ZRANB1: variants seen among roughly 807,000 people sequenced by gnomAD.
ZRANB1 encodes zinc finger RANBP2-type containing 1.
Under a neutral mutation model 80.5 loss-of-function variants are expected in ZRANB1, and 16 were observed. The ratio of observed to expected loss-of-function variants is 0.20; its 90% confidence interval spans 0.13 to 0.30. The LOEUF is 0.30. Ranked by LOEUF, ZRANB1 falls within the 10% of genes least tolerant of loss-of-function variation. The pLI is 1.00. For missense variants in ZRANB1, 576 were observed against 862.6 expected, an observed-to-expected ratio of 0.67 and a Z score of 4.16; for synonymous variants, 291 against 293.1, an observed-to-expected ratio of 0.99 and a Z score of 0.07.
chr10:124,920,224 C>T, the ZRANB1 span, among the ~76,000 whole-genome samples: 1 of 152,162 alleles, frequency 6.6e-6, no homozygotes, highest in Non-Finnish European at 1.5e-5. Flanking sequence ...CGCACTCGGC[C>T]GGATTTGGTT....
chr10:124,955,015 G>C (rs1951677485), intron 1 of ZRANB1, among the ~76,000 whole-genome samples: 1 of 150,910 alleles, frequency 6.6e-6, no homozygotes, highest in African/African-American at 2.4e-5. Flanking sequence ...CGTAGTCCCA[G>C]CTACTCTGGA....
chr10:124,983,383 G>A lies in ZRANB1; in HGVS notation c.1679-76G>A. 1 of 1,594,884 alleles carries A rather than the reference G, an allele frequency of 6.3e-7. No homozygotes were observed. Among genetic ancestry groups the A allele is most frequent in the South Asian group, 1.1e-5 (1 of 88,396 alleles). ...ATGTCAGGAAGGAGCAGTGGACAGG[G>A]GAATGTGAACAAGGGCAGTGAGGGA... On this transcript the variant is annotated intron_variant, in intron 7 of 8. Coordinates refer to ENST00000359653, the MANE Select transcript of ZRANB1 (RefSeq NM_017580.3). The surrounding 1 kb of genome is among the most constrained non-coding windows in gnomAD (Gnocchi z 6.2).
chr10:124,957,702 G>A (rs10901846), intron 1 of ZRANB1, among the ~76,000 whole-genome samples: 50,599 of 151,570 alleles, frequency 0.33, 9,808 homozygotes, highest in African/African-American at 0.54. Flanking sequence ...AGGTTCATCT[G>A]TGTTGTGATC....
intron 5 of ZRANB1, among the ~76,000 whole-genome samples, chr10:124,976,375 G>A (rs1951876259): frequency 6.6e-6 from 1 of 152,088 alleles, no homozygotes; most frequent in African/African-American, 2.4e-5. Flanking sequence ...TATGTCAAGA[G>A]GATGAACCTG....
At chr10:124,930,828 C>T in the ZRANB1 span, among the ~76,000 whole-genome samples, 1 of 151,944 alleles carries the variant, frequency 6.6e-6, no homozygotes, top group African/African-American at 2.4e-5. Flanking sequence ...GCCTGGAGTT[C>T]GAGATTAGCC....
chr10:124,923,941 C>CAA, the ZRANB1 span, among the ~76,000 whole-genome samples: 7 of 148,644 alleles, frequency 4.7e-5, no homozygotes, highest in South Asian at 8.4e-4. Context: ...TATCTCTTAC[C>CAA]AAAAAAAAAG....
intron 1 of ZRANB1, among the ~76,000 whole-genome samples, chr10:124,959,224 C>T (rs1171793485): frequency 2.0e-5 from 3 of 152,078 alleles, no homozygotes; most frequent in Non-Finnish European, 4.4e-5. Flanking sequence ...TAAGCTGAAA[C>T]TTGAAAGAGA....
At chr10:124,918,807 A>G in the ZRANB1 span, among the ~76,000 whole-genome samples, 1 of 152,238 alleles carries the variant, frequency 6.6e-6, no homozygotes, top group East Asian at 1.9e-4. Flanking sequence ...CTCTAAAGAT[A>G]GGCAGTCTCT....
Position 124,972,052 on chromosome 10 carries a change from C to T in ZRANB1, c.1090C>T (p.His364Tyr). 6.2e-7 allele frequency: 1 copy of T among 1,613,970 alleles called. No homozygotes were observed. Among genetic ancestry groups the T allele is most frequent in the Non-Finnish European group, 8.5e-7 (1 of 1,179,886 alleles). The change falls in exon 3 of 9, where the codon CAT becomes TAT. Residue 364 changes from histidine (H) to tyrosine (Y), a missense_variant. By Grantham distance (83) the His-to-Tyr change is moderately conservative (BLOSUM62 2). Transcript: ENST00000359653. Reference protein sequence around the residue: ...QIRREIAASLHQRKGDFACYF... With the variant: ...QIRREIAASLYQRKGDFACYF... ...CCGGAGAGAGATAGCTGCCTCTCTT[C>T]ATCAGAGAAAGGGGGATTTTGCTTG...
At chr10:124,917,688 A>G in the ZRANB1 span, among the ~76,000 whole-genome samples, 6 of 152,118 alleles carry the variant, frequency 3.9e-5, no homozygotes, top group Non-Finnish European at 5.9e-5. Flanking sequence ...GGTGTCTCCA[A>G]ACTTGTATTT....
upstream of ZRANB1, among the ~76,000 whole-genome samples, chr10:124,940,976 TC>T (rs1951530247): frequency 6.6e-6 from 1 of 151,162 alleles, no homozygotes; most frequent in South Asian, 2.1e-4. Context: ...ATAGCAAGAC[TC>T]CATCTCAAAA....
At chr10:124,976,614 C>G (rs547496910) in intron 5 of ZRANB1, among the ~76,000 whole-genome samples, 1 of 140,252 alleles carries the variant, frequency 7.1e-6, no homozygotes, top group South Asian at 2.2e-4. Flanking sequence ...CTCTGTCGCC[C>G]AGGCTGGAGT....
At chr10:124,956,903 T>G (rs1951691660) in intron 1 of ZRANB1, among the ~76,000 whole-genome samples, 1 of 152,242 alleles carries the variant, frequency 6.6e-6, no homozygotes, top group Non-Finnish European at 1.5e-5. Context: ...TATGTCTTTC[T>G]CGTGTGTATT....
chr10:124,981,621 G>T, intron 5 of ZRANB1, 88 bp from the exon 6 acceptor site: 2 of 1,223,034 alleles, frequency 1.6e-6, no homozygotes, highest in South Asian at 1.6e-5. Context: ...ACTGCTTAAA[G>T]ACTGCATTAA....
At chr10:124,945,476 G>A (rs1951574451) in intron 1 of ZRANB1, 1 of 142,756 alleles carries the variant, frequency 7.0e-6, no homozygotes, top group South Asian at 2.2e-4. Flanking sequence ...ACAAGGTGGT[G>A]TTATAGTACA....
intron 6 of ZRANB1, among the ~76,000 whole-genome samples, chr10:124,982,176 C>T (rs1951941040): frequency 6.6e-6 from 1 of 152,176 alleles, no homozygotes; most frequent in African/African-American, 2.4e-5. Context: ...GTTCCTGCAG[C>T]ATAGGCTTGA....
At chr10:124,960,014 GA>G (rs1217695973) in intron 1 of ZRANB1, among the ~76,000 whole-genome samples, 1 of 152,188 alleles carries the variant, frequency 6.6e-6, no homozygotes, top group Non-Finnish European at 1.5e-5. Context: ...GAGGAGTTTA[GA>G]AAGCCAGATT....
chr10:124,979,427 G>A (rs1481858404), intron 5 of ZRANB1, among the ~76,000 whole-genome samples: 2 of 152,096 alleles, frequency 1.3e-5, no homozygotes, highest in African/African-American at 4.8e-5. Context: ...GTCCCTTATT[G>A]GATATCTGCT....
intron 4 of ZRANB1, 152 bp downstream of exon 4, chr10:124,973,868 A>G (rs1951849395): frequency 2.7e-6 from 2 of 737,012 alleles, no homozygotes; most frequent in East Asian, 2.7e-5. Context: ...GTTATATTGT[A>G]TGGTTCACTG....
Sources: gnomAD v4.1 joint callset for allele counts (sites outside exome capture counted in the v4.1 genomes callset) on GRCh38, gnomAD v4.1.1 for gene constraint, Gnocchi (gnomAD v3.1) non-coding constraint, MANE v1.5 for transcripts, NCBI Gene and HGNC (gene_info 2026-07-23, HGNC 2026-07-21) for gene names.